Variants in RAD18 observed in about 807,000 individuals in gnomAD.
RAD18 encodes the protein E3 ubiquitin-protein ligase RAD18.
In RAD18, 47 loss-of-function variants were observed where a neutral mutation model predicts 60.4. The ratio of observed to expected loss-of-function variants is 0.78; its 90% CI spans 0.62 to 0.99. The LOEUF (loss-of-function observed/expected upper bound fraction) is 0.99. Among genes scored for constraint, RAD18 ranks in the 50% least tolerant of loss-of-function variants. The pLI is 0.00. For synonymous variants in RAD18, 225 were observed against 195.5 expected (o/e 1.15, Z -1.26); for missense variants, 640 against 593.3 (o/e 1.08, Z -0.82).
chr3:8,885,608 C>T (rs531274183), intron 12 of RAD18, among the ~76,000 whole-genome samples: 3 of 152,248 alleles, frequency 2.0e-5, no homozygotes, highest in Admixed American at 2.0e-4. Flanking sequence ...TCTGACAAGG[C>T]TGAGAAGTGT....
At position 8,878,597 on chromosome 3, in the gene RAD18, G is replaced by A. The variant is rs250403; in HGVS notation, c.*2760C>T. 122,444 of 152,138 alleles carry A rather than the reference G, an allele frequency of 0.8. 49,457 individuals are homozygous for A. The highest frequency in any genetic ancestry group is 0.9 in the South Asian group (4,340 of 4,816). The allele number at this position is 152,138 out of a possible 1,614,324, so 9.4% of individuals were successfully genotyped here. ...CTGTTGACACATCAGTCTTTACCAT[G>A]TAATTTTGTTTTTAAAGGCATACCT... On this transcript the variant is annotated 3_prime_UTR_variant, in exon 13 of 13. Transcript: ENST00000264926.
intron 9 of RAD18, among the ~76,000 whole-genome samples, chr3:8,910,272 A>G (rs781115531): frequency 6.6e-6 from 1 of 152,230 alleles, no homozygotes; most frequent in Non-Finnish European, 1.5e-5. Context: ...AGTACTAGGT[A>G]AATAGTTAAA....
rs762703632 is a variant in RAD18, at chr3:8,902,369, T to C, written c.1168+11A>G. The stretch of plus-strand genomic sequence containing the variant: ...TTCGACATATGTCTGTTTTTAATTA[T>C]AGTCTCTTACCCATGCATACAGAAG... On this transcript the variant is annotated intron_variant, in intron 10 of 12. Coordinates refer to ENST00000264926, the MANE Select transcript of RAD18 (RefSeq NM_020165.4). 2.6e-6 allele frequency: 4 copies of C among 1,519,360 alleles called. No homozygotes were observed. Among genetic ancestry groups the C allele is most frequent in the Middle Eastern group, 1.8e-4 (1 of 5,644 alleles). The allele number at this position is 1,519,360 out of a possible 1,614,324, so 94.1% of individuals were successfully genotyped here. A position where few individuals can be genotyped will look rare whatever the true frequency, so the allele number is the denominator to read the frequency against.
intron 9 of RAD18, among the ~76,000 whole-genome samples, chr3:8,906,672 T>C (rs1940005792): frequency 6.7e-6 from 1 of 149,940 alleles, no homozygotes; most frequent in Non-Finnish European, 1.5e-5. Flanking sequence ...TGAAAAACCA[T>C]TCAACATTCA....
intron 2 of RAD18, among the ~76,000 whole-genome samples, chr3:8,952,060 A>AC (rs1940935353): frequency 6.6e-6 from 1 of 152,124 alleles, no homozygotes; most frequent in African/African-American, 2.4e-5. Flanking sequence ...ATCTTCAAAC[A>AC]CCAACACATT....
intron 9 of RAD18, among the ~76,000 whole-genome samples, chr3:8,904,282 G>A (rs562240074): frequency 6.6e-6 from 1 of 152,088 alleles, no homozygotes; most frequent in East Asian, 1.9e-4. Context: ...TGAGAATGAT[G>A]TTAGTTGTTT....
At position 8,941,515 on chromosome 3, in the gene RAD18, T is replaced by C; in HGVS notation, c.556A>G (p.Lys186Glu). The C allele has an allele frequency of 6.2e-7, 1 of 1,613,976 alleles. No individual in the cohort carries two copies. The highest frequency in any genetic ancestry group is 8.5e-7 in the Non-Finnish European group (1 of 1,179,924). ...EEIAPDPSEA[K>E]RPEPPSTSTL... is the part of the protein sequence containing the mutation. The stretch of plus-strand genomic sequence containing the variant: ...GATGTCGAGGGTGGCTCAGGACGCT[T>C]AGCCTCTGAGGGATCTGGAGCGATC... The change falls in exon 5 of 13, where the codon AAG becomes GAG. Residue 186 changes from lysine to glutamate, a missense_variant. Coordinates refer to ENST00000264926, the MANE Select transcript of RAD18 (RefSeq NM_020165.4).
chr3:8,899,068 G>T lies in RAD18; in HGVS notation c.1169-21C>A, dbSNP rs536845022. On this transcript the variant is annotated intron_variant, in intron 10 of 12. Transcript: ENST00000264926. Reference sequence around the variant, plus strand: ...CTGTCCTAGGAAAAAATAAATTTAAGAGTACCTTAAAATCTACAACTTCTG... The same window carrying T: ...CTGTCCTAGGAAAAAATAAATTTAATAGTACCTTAAAATCTACAACTTCTG... 6.4e-6 allele frequency: 10 copies of T among 1,553,450 alleles called. No individual in the cohort carries two copies. In the African/African-American group the frequency reaches 1.2e-4, roughly 19 times the overall value.
At chr3:8,947,088 G>T in intron 4 of RAD18, 132 bp downstream of exon 4, 1 of 690,152 alleles carries the variant, frequency 1.4e-6, no homozygotes, top group South Asian at 2.1e-5. Context: ...TGTGAATAAT[G>T]ACTGTTACTT....
chr3:8,903,274 G>A (rs912729820), intron 9 of RAD18, among the ~76,000 whole-genome samples: 4 of 152,070 alleles, frequency 2.6e-5, no homozygotes, highest in African/African-American at 7.2e-5. Context: ...ATAATCATAA[G>A]AGCATGAAAG....
intron 7 of RAD18, among the ~76,000 whole-genome samples, chr3:8,929,087 G>A (rs646687): frequency 0.69 from 105,082 of 152,032 alleles, 36,860 homozygotes; most frequent in Middle Eastern, 0.77. Flanking sequence ...TCTGTGAATA[G>A]AGGTAAAATA....
At chr3:8,913,403 C>A (rs1286009741) in intron 8 of RAD18, among the ~76,000 whole-genome samples, 1 of 152,124 alleles carries the variant, frequency 6.6e-6, no homozygotes, top group African/African-American at 2.4e-5. Flanking sequence ...GATGCACAGG[C>A]ACAGGCATTT....
chr3:8,944,607 A>AGGAGGAGGGAGGGAGAAAGG (rs1940810182), intron 4 of RAD18, among the ~76,000 whole-genome samples: 1 of 137,308 alleles, frequency 7.3e-6, no homozygotes, highest in Non-Finnish European at 1.6e-5. Context: ...GGAAGGAGAA[A>AGGAGGAGGGAGGGAGAAAGG]GGAGGAGGGA....
chr3:8,913,625 A>C lies in RAD18; in HGVS notation c.966+19T>G. 6.8e-7 allele frequency: 1 copy of C among 1,476,578 alleles called. No individual in the cohort carries two copies. Among genetic ancestry groups the C allele is most frequent in the South Asian group, 1.3e-5 (1 of 75,598 alleles). 91.5% of individuals were successfully genotyped at this position (1,476,578 alleles called of 1,614,324 possible). ...TTTCTTCATTTCTATCCATATACTG[A>C]AATAGCCCATTAACATACACTTTCA... is the stretch of plus-strand genomic sequence containing the variant. On this transcript the variant is annotated intron_variant, in intron 8 of 12. Coordinates refer to ENST00000264926, the MANE Select transcript of RAD18 (RefSeq NM_020165.4).
At chr3:8,944,686 G>A (rs1428465628) in intron 4 of RAD18, among the ~76,000 whole-genome samples, 1 of 151,522 alleles carries the variant, frequency 6.6e-6, no homozygotes, top group East Asian at 1.9e-4. Context: ...AAGGAAGGAA[G>A]GAAGGAAAAG....
intron 11 of RAD18, among the ~76,000 whole-genome samples, chr3:8,897,684 T>C (rs888982903): frequency 4.6e-5 from 7 of 152,198 alleles, no homozygotes; most frequent in African/African-American, 1.7e-4. Context: ...CGTCATTAAA[T>C]AACACTGGCA....
chr3:8,913,906 T>C (rs979106169), intron 7 of RAD18, among the ~76,000 whole-genome samples, 186 bp from the exon 8 acceptor site: 2 of 152,186 alleles, frequency 1.3e-5, no homozygotes, highest in African/African-American at 2.4e-5. Context: ...AAAAATAACA[T>C]GGAGTTAAAA....
intron 12 of RAD18, among the ~76,000 whole-genome samples, chr3:8,886,471 T>C (rs1472125166): frequency 6.6e-6 from 1 of 152,218 alleles, no homozygotes; most frequent in Non-Finnish European, 1.5e-5. Context: ...TCACAGGTTC[T>C]TGAAGCCAAG....
At position 8,919,847 on chromosome 3, in the gene RAD18, TGG is replaced by T. The variant is rs1370179490; in HGVS notation, c.890-6129_890-6128del. Among the ~76,000 whole-genome samples, 3 of 73,846 alleles carry T rather than the reference TGG, an allele frequency of 4.1e-5. No homozygotes were observed. The East Asian group carries it at 6.7e-4, about 17-fold the overall frequency. The allele number at this position is 73,846 out of a possible 152,430, so 48.4% of individuals were successfully genotyped here. On this transcript the variant is annotated intron_variant, in intron 7 of 12. Coordinates refer to ENST00000264926, the MANE Select transcript of RAD18 (RefSeq NM_020165.4). ...AATAAGAAGACGGTAATGAAAATAA[TGG>T]GGGTGTATGTCATGAGGACAGGAAT...
Sources: allele counts gnomAD v4.1 joint callset (sites outside exome capture counted in the v4.1 genomes callset), GRCh38; gene constraint gnomAD v4.1.1; transcripts MANE v1.5; gene names NCBI Gene and HGNC (gene_info 2026-07-23, HGNC 2026-07-21).